TACC2: variants seen among roughly 807,000 people sequenced by gnomAD.
TACC2 encodes the protein transforming acidic coiled-coil containing protein 2.
A neutral mutation model predicts 227.3 loss-of-function variants in TACC2; 137 were observed. That is an observed-to-expected ratio of 0.60 (90% CI 0.52 to 0.69). The LOEUF is 0.69. Among genes scored for constraint, TACC2 ranks in the 30% least tolerant of loss-of-function variants. TACC2 has a pLI of 0.00. For synonymous variants in TACC2, 1,523 were observed against 1,487.5 expected, an observed-to-expected ratio of 1.02 and a Z score of -0.55; for missense variants, 3,470 against 3,694.4, an observed-to-expected ratio of 0.94 and a Z score of 1.57.
At chr10:122,214,424 T>C (rs1428973710) in intron 9 of TACC2, among the ~76,000 whole-genome samples, 1 of 152,166 alleles carries the variant, frequency 6.6e-6, no homozygotes, top group Non-Finnish European at 1.5e-5. Context: ...GCCAAATTGC[T>C]CTGCCCACCC....
intron 9 of TACC2, among the ~76,000 whole-genome samples, chr10:122,212,622 C>T (rs775955665): frequency 1.1e-4 from 17 of 152,198 alleles, no homozygotes; most frequent in South Asian, 2.1e-4. Context: ...CAGACCACAG[C>T]GCTGGCCCCT....
chr10:122,149,581 C>G (rs1255722773), intron 7 of TACC2, among the ~76,000 whole-genome samples: 2 of 152,036 alleles, frequency 1.3e-5, no homozygotes, highest in East Asian at 3.9e-4. Context: ...GTTTTTCCTG[C>G]GCAGGAGGGG....
chr10:122,112,485 G>A (rs2083777215), intron 5 of TACC2, among the ~76,000 whole-genome samples: 1 of 152,198 alleles, frequency 6.6e-6, no homozygotes, highest in African/African-American at 2.4e-5. Flanking sequence ...CGCTGTTTCT[G>A]TGGTTAAGCG....
At chr10:122,109,465 TA>T (rs773220414) in intron 5 of TACC2, among the ~76,000 whole-genome samples, 8 of 152,148 alleles carry the variant, frequency 5.3e-5, no homozygotes, top group Non-Finnish European at 7.3e-5. Context: ...CGGTGAGTCT[TA>T]TTGGCACTGA....
At chr10:122,088,039 C>T (rs12269389) in intron 4 of TACC2, 80 bp downstream of exon 4, 41,259 of 1,407,088 alleles carry the variant, frequency 0.029, 689 homozygotes, top group Middle Eastern at 0.048. Flanking sequence ...AGAAGTCAGT[C>T]GCATAGGTGA....
At chr10:122,065,368 T>C (rs1394875071) in intron 3 of TACC2, among the ~76,000 whole-genome samples, 1 of 152,228 alleles carries the variant, frequency 6.6e-6, no homozygotes, top group Non-Finnish European at 1.5e-5. Context: ...TACAATTTCC[T>C]TCTTTCTTTC....
chr10:122,016,243 C>A lies in TACC2; in HGVS notation c.-45-5694C>A, dbSNP rs550014893. Reference sequence around the variant, plus strand: ...TGCCACTGCACTCCAGCCTGGGTGACAGAGTGAGACCCTGTCTGAAAAAAA... The same window carrying A: ...TGCCACTGCACTCCAGCCTGGGTGAAAGAGTGAGACCCTGTCTGAAAAAAA... On this transcript the variant is annotated intron_variant, in intron 1 of 22. Transcript: ENST00000369005. 1.1e-4 allele frequency among the ~76,000 whole-genome samples: 13 copies of A among 122,458 alleles called. No homozygotes were observed. In the South Asian group the frequency reaches 2.5e-3, roughly 23 times the overall value. 80.3% of individuals were successfully genotyped at this position (122,458 alleles called of 152,430 possible). A position where few individuals can be genotyped will look rare whatever the true frequency, so the allele number is the denominator to read the frequency against.
Position 122,180,209 on chromosome 10 carries a change from C to T in TACC2, c.5835-14831C>T, listed in dbSNP as rs2140262075. ...CTTGGGTCTCCTGGCAAACTTTCTC[C>T]TCGTTGCCTGCTTTGTTTTCTTAAA... On this transcript the variant is annotated intron_variant, in intron 7 of 22. Transcript: ENST00000369005. The surrounding 1 kb of genome is among the most constrained non-coding windows in gnomAD (Gnocchi z 4.5). Among the ~76,000 whole-genome samples, 1 of 152,302 alleles carries T rather than the reference C, an allele frequency of 6.6e-6. No homozygotes were observed. Among genetic ancestry groups the T allele is most frequent in the African/African-American group, 2.4e-5 (1 of 41,560 alleles).
Position 122,115,068 on chromosome 10 carries a change from C to G in TACC2, c.5574-17541C>G, listed in dbSNP as rs1307644054. On this transcript the variant is annotated intron_variant, in intron 5 of 22. Coordinates refer to ENST00000369005, the MANE Select transcript of TACC2 (RefSeq NM_206862.4). ...CAGACACTTGCCCTGGTGTTCTCTGCGCCAAGTCCTGCGGCCTCGTTGGTT... is the reference window on the plus strand; with the variant it reads ...CAGACACTTGCCCTGGTGTTCTCTGGGCCAAGTCCTGCGGCCTCGTTGGTT... 1.3e-5 allele frequency among the ~76,000 whole-genome samples: 2 copies of G among 152,248 alleles called. 1 individual carries two copies. Among genetic ancestry groups the G allele is most frequent in the Non-Finnish European group, 2.9e-5 (2 of 68,050 alleles).
At chr10:122,017,165 C>T (rs995144379) in intron 1 of TACC2, among the ~76,000 whole-genome samples, 7 of 152,176 alleles carry the variant, frequency 4.6e-5, no homozygotes, top group Admixed American at 1.3e-4. Flanking sequence ...TCAGAGCATT[C>T]GCGCTCTCAC....
At chr10:122,043,302 G>A (rs987985222) in intron 2 of TACC2, among the ~76,000 whole-genome samples, 1 of 152,146 alleles carries the variant, frequency 6.6e-6, no homozygotes, top group Non-Finnish European at 1.5e-5. Context: ...TCCTTTTAGG[G>A]TAATGGCCAC....
At chr10:122,114,482 C>A (rs886263084) in intron 5 of TACC2, among the ~76,000 whole-genome samples, 1 of 152,238 alleles carries the variant, frequency 6.6e-6, no homozygotes, top group Admixed American at 6.5e-5. Context: ...GAGCAGCTGG[C>A]TTTCCCTTCT....
chr10:122,212,994 T>A (rs1311536178), intron 9 of TACC2, among the ~76,000 whole-genome samples: 1 of 152,228 alleles, frequency 6.6e-6, no homozygotes, highest in Non-Finnish European at 1.5e-5. Flanking sequence ...CTCCAAGATA[T>A]GTTCTGTGTC....
intron 2 of TACC2, among the ~76,000 whole-genome samples, chr10:122,030,826 A>G (rs1322215495): frequency 6.6e-6 from 1 of 151,808 alleles, no homozygotes; most frequent in Non-Finnish European, 1.5e-5. Context: ...TGGCTGTGGG[A>G]CTCAGGGCTC....
At chr10:122,235,094 A>G (rs991992510) in intron 16 of TACC2, among the ~76,000 whole-genome samples, 4 of 151,976 alleles carry the variant, frequency 2.6e-5, no homozygotes, top group Admixed American at 1.3e-4. Context: ...TTGCCTTTTT[A>G]AAATTTTTTT....
chr10:122,185,611 G>T (rs763977245), intron 7 of TACC2, among the ~76,000 whole-genome samples: 47 of 152,346 alleles, frequency 3.1e-4, no homozygotes, highest in Admixed American at 1.2e-3. Flanking sequence ...GTAAGAGAAG[G>T]CTAAGTGTGT....
At chr10:122,178,385 C>A (rs541872709) in intron 7 of TACC2, among the ~76,000 whole-genome samples, 2 of 151,938 alleles carry the variant, frequency 1.3e-5, no homozygotes, top group South Asian at 4.2e-4. Context: ...CACAGGCACA[C>A]ACCACCACAC....
chr10:122,147,003 G>A (rs2091456595), intron 7 of TACC2, among the ~76,000 whole-genome samples: 1 of 152,128 alleles, frequency 6.6e-6, no homozygotes, highest in African/African-American at 2.4e-5. Context: ...CTGGGCCTGT[G>A]GGTTCTGGGA....
At chr10:122,047,422 A>G (rs2075145548) in intron 2 of TACC2, among the ~76,000 whole-genome samples, 1 of 152,058 alleles carries the variant, frequency 6.6e-6, no homozygotes, top group Admixed American at 6.6e-5. Context: ...TTGGATGCAC[A>G]GATGAAGAGG....
Sources: allele counts gnomAD v4.1 joint callset (sites outside exome capture counted in the v4.1 genomes callset), GRCh38; gene constraint gnomAD v4.1.1; non-coding constraint Gnocchi (gnomAD v3.1); transcripts MANE v1.5; gene names NCBI Gene and HGNC (gene_info 2026-07-23, HGNC 2026-07-21).